RGS9: variants seen among roughly 807,000 people sequenced by gnomAD.
The protein encoded by RGS9 is regulator of G protein signaling 9.
In RGS9, 78 loss-of-function variants were observed where a neutral mutation model predicts 102.0. That is an observed-to-expected ratio of 0.76 (90% confidence interval 0.64 to 0.92). RGS9 has a LOEUF of 0.92. Ranked by LOEUF, RGS9 falls within the 40% of genes least tolerant of loss-of-function variation. RGS9 has a pLI of 0.00. For synonymous variants in RGS9, 353 were observed against 318.6 expected, an observed-to-expected ratio of 1.11 and a Z score of -1.15; for missense variants, 833 against 866.1, an observed-to-expected ratio of 0.96 and a Z score of 0.48.
intron 17 of RGS9, among the ~76,000 whole-genome samples, chr17:65,212,835 G>A (rs372448820): frequency 6.6e-6 from 1 of 152,238 alleles, no homozygotes; most frequent in South Asian, 2.1e-4. Context: ...GGTACCCCAA[G>A]TAGAAATGTA....
chr17:65,208,452 G>A (rs114165018), intron 16 of RGS9, among the ~76,000 whole-genome samples: 1,938 of 152,250 alleles, frequency 0.013, 40 homozygotes, highest in African/African-American at 0.045. Context: ...GGACAGTAAC[G>A]GGCTAGGTAT....
At chr17:65,186,897 A>T (rs1247407403) in intron 9 of RGS9, among the ~76,000 whole-genome samples, 1 of 152,240 alleles carries the variant, frequency 6.6e-6, no homozygotes, top group Non-Finnish European at 1.5e-5. Context: ...GGCATAAACC[A>T]GTAGATGCTA....
At chr17:65,153,805 G>A (rs1169986765) in intron 2 of RGS9, among the ~76,000 whole-genome samples, 2 of 151,724 alleles carry the variant, frequency 1.3e-5, no homozygotes, top group Non-Finnish European at 2.9e-5. Flanking sequence ...CAGGAGAATG[G>A]CCTGAACCTG....
At chr17:65,222,103 T>C (rs1441852867) in intron 17 of RGS9, among the ~76,000 whole-genome samples, 1 of 152,230 alleles carries the variant, frequency 6.6e-6, no homozygotes, top group Non-Finnish European at 1.5e-5. Flanking sequence ...CAGGATTCAG[T>C]TCCTCGTTTA....
intron 10 of RGS9, 79 bp downstream of exon 10, chr17:65,189,394 G>A (rs557892599): frequency 1.7e-5 from 19 of 1,106,750 alleles, no homozygotes; most frequent in African/African-American, 7.7e-5. Flanking sequence ...TACCCTCTGC[G>A]CTTGGTAATG....
At chr17:65,183,039 C>G (rs916685668) in intron 9 of RGS9, among the ~76,000 whole-genome samples, 1 of 127,160 alleles carries the variant, frequency 7.9e-6, no homozygotes, top group Non-Finnish European at 1.6e-5. Flanking sequence ...CCTTAGACAG[C>G]TGCACCCCCT....
At chr17:65,208,282 A>G (rs1333318789) in intron 16 of RGS9, among the ~76,000 whole-genome samples, 1 of 152,202 alleles carries the variant, frequency 6.6e-6, no homozygotes, top group African/African-American at 2.4e-5. Context: ...TACCCTTATC[A>G]CAAATGGAAG....
At chr17:65,210,098 C>T (rs1397098338) in intron 16 of RGS9, among the ~76,000 whole-genome samples, 2 of 151,946 alleles carry the variant, frequency 1.3e-5, no homozygotes, top group Non-Finnish European at 2.9e-5. Context: ...CCCCCAACCG[C>T]CCCAAAAAAG....
intron 1 of RGS9, among the ~76,000 whole-genome samples, chr17:65,148,509 A>G (rs1346764623): frequency 1.3e-5 from 2 of 152,220 alleles, no homozygotes; most frequent in Non-Finnish European, 1.5e-5. Context: ...TCCACAGCAG[A>G]TGCACCATTT....
intron 17 of RGS9, among the ~76,000 whole-genome samples, chr17:65,221,878 A>T (rs532970080): frequency 6.6e-6 from 1 of 152,204 alleles, no homozygotes; most frequent in Non-Finnish European, 1.5e-5. Context: ...CTCTGCCCTC[A>T]TGACTAATCA....
In RGS9 at chr17:65,178,289, T is replaced by A. The variant is rs532297573; in HGVS notation, c.654+486T>A. ...TCTAACACTTTCTTTCACATCCCAG[T>A]GGAGTGGGATCTTTGTAAAGATTCT... On this transcript the variant is annotated intron_variant, in intron 9 of 18. Transcript: ENST00000262406. Among the ~76,000 whole-genome samples the A allele has an allele frequency of 1.7e-4, 26 of 152,164 alleles. No individual in the cohort carries two copies. In the South Asian group the frequency reaches 4.8e-3, roughly 28 times the overall value.
At chr17:65,222,732 G>A (rs1905405280) in intron 17 of RGS9, among the ~76,000 whole-genome samples, 1 of 152,218 alleles carries the variant, frequency 6.6e-6, no homozygotes, top group South Asian at 2.1e-4. Flanking sequence ...CTATAGAAGG[G>A]AAGGGGTTAG....
At chr17:65,153,171 G>A (rs1343958830) in intron 1 of RGS9, among the ~76,000 whole-genome samples, 4 of 152,088 alleles carry the variant, frequency 2.6e-5, no homozygotes, top group African/African-American at 4.8e-5. Context: ...TTCCTTAAAA[G>A]CCACCCCAGA....
chr17:65,189,467 C>T (rs1045058841), intron 10 of RGS9, 152 bp downstream of exon 10: 6 of 714,760 alleles, frequency 8.4e-6, no homozygotes, highest in African/African-American at 3.5e-5. Flanking sequence ...CACAGAGTGA[C>T]GAAGCATCTT....
intron 1 of RGS9, among the ~76,000 whole-genome samples, chr17:65,145,247 C>T (rs1397100752): frequency 2.6e-5 from 4 of 151,726 alleles, no homozygotes; most frequent in Middle Eastern, 3.5e-3. Context: ...CCCCCCACCA[C>T]GCCTGGCTAA....
chr17:65,226,175 C>T (rs908379470), intron 18 of RGS9, among the ~76,000 whole-genome samples: 2 of 152,198 alleles, frequency 1.3e-5, no homozygotes, highest in African/African-American at 4.8e-5. Flanking sequence ...CTCCATAACG[C>T]CTGGATCAGA....
At chr17:65,156,470 T>C (rs543557963) in intron 2 of RGS9, among the ~76,000 whole-genome samples, 1 of 152,330 alleles carries the variant, frequency 6.6e-6, no homozygotes, top group African/African-American at 2.4e-5. Flanking sequence ...TTCCAGCTGC[T>C]GTAGAAACAA....
chr17:65,142,116 C>T (rs1213261790), intron 1 of RGS9, among the ~76,000 whole-genome samples: 4 of 152,130 alleles, frequency 2.6e-5, no homozygotes, highest in Non-Finnish European at 4.4e-5. Context: ...TGCTGGCATG[C>T]GCCTGTAATC....
intron 13 of RGS9, among the ~76,000 whole-genome samples, chr17:65,201,027 GT>G (rs1303781166): frequency 2.6e-5 from 4 of 151,854 alleles, no homozygotes; most frequent in African/African-American, 9.7e-5. Flanking sequence ...ATTGTTCAAG[GT>G]CAACTGTACT....
Sources: allele counts gnomAD v4.1 joint callset (sites outside exome capture counted in the v4.1 genomes callset), GRCh38; gene constraint gnomAD v4.1.1; transcripts MANE v1.5; gene names NCBI Gene and HGNC (gene_info 2026-07-23, HGNC 2026-07-21).